Variants in NALCN observed in about 807,000 individuals in gnomAD.
The protein encoded by NALCN is sodium leak channel NALCN.
Under a neutral mutation model 225.3 loss-of-function variants are expected in NALCN, and 111 were observed. The observed-to-expected ratio is 0.49, with a 90% CI of 0.42 to 0.58. The LOEUF (loss-of-function observed/expected upper bound fraction) is 0.58, where lower values mean the gene tolerates loss of function less well. Among genes scored for constraint, NALCN ranks in the 20% least tolerant of loss-of-function variants. The probability of loss-of-function intolerance (pLI) is 0.00; values close to 1 mark genes in which losing one functional copy is unlikely to be tolerated. For missense variants in NALCN, 1,378 were observed against 2,202.4 expected (o/e 0.63, Z 7.49); for synonymous variants, 764 against 769.0 (o/e 0.99, Z 0.11).
rs966751239 is a variant in NALCN at position 101,054,418 on chromosome 13, T to C, written c.*877A>G. The C allele has an allele frequency of 2.0e-5, 3 of 152,218 alleles. No individual in the cohort carries two copies. Among genetic ancestry groups the C allele is most frequent in the African/African-American group, 4.8e-5 (2 of 41,458 alleles). 9.4% of individuals were successfully genotyped at this position (152,218 alleles called of 1,614,324 possible). A position where few individuals can be genotyped will look rare whatever the true frequency, so the allele number is the denominator to read the frequency against. On this transcript the variant is annotated 3_prime_UTR_variant, in exon 44 of 44. Transcript: ENST00000251127. ...TGATTTATGGCAAAACAGACATACC[T>C]TGGGTAAGAAATGAAGCCAATGATA...
intron 10 of NALCN, among the ~76,000 whole-genome samples, chr13:101,267,885 A>T (rs1445866849): frequency 6.6e-6 from 1 of 152,198 alleles, no homozygotes; most frequent in Non-Finnish European, 1.5e-5. Flanking sequence ...AAAAGCTATT[A>T]TACCTACCAA....
chr13:101,108,851 A>G (rs919100396), intron 20 of NALCN, among the ~76,000 whole-genome samples: 1 of 152,194 alleles, frequency 6.6e-6, no homozygotes, highest in African/African-American at 2.4e-5. Context: ...TGAAAAAGTT[A>G]AAATTCTCTA....
chr13:101,252,985 A>T (rs570279665), intron 11 of NALCN, among the ~76,000 whole-genome samples: 1 of 152,258 alleles, frequency 6.6e-6, no homozygotes, highest in African/African-American at 2.4e-5. Context: ...TCATATAATA[A>T]TAAGAAAAAT....
intron 10 of NALCN, among the ~76,000 whole-genome samples, chr13:101,281,838 A>C (rs927471511): frequency 1.3e-5 from 2 of 152,194 alleles, no homozygotes; most frequent in Non-Finnish European, 1.5e-5. Context: ...TCTGATTATA[A>C]ATGAGCAAAT....
chr13:101,065,088 G>C (rs1331078877), intron 40 of NALCN, among the ~76,000 whole-genome samples: 3 of 152,162 alleles, frequency 2.0e-5, no homozygotes, highest in African/African-American at 7.2e-5. Context: ...CGCATCACAG[G>C]GAAGGGGTGG....
At chr13:101,106,933 C>T (rs1233689410) in intron 22 of NALCN, among the ~76,000 whole-genome samples, 2 of 152,154 alleles carry the variant, frequency 1.3e-5, no homozygotes, top group African/African-American at 4.8e-5. Context: ...CTTAGGTGTC[C>T]ACAACTAGTG....
chr13:101,140,650 A>C (rs1184347667), intron 17 of NALCN, among the ~76,000 whole-genome samples: 1 of 152,258 alleles, frequency 6.6e-6, no homozygotes, highest in Non-Finnish European at 1.5e-5. Flanking sequence ...GCTGAAGCCA[A>C]GGCACTATCT....
At chr13:101,345,469 T>C in intron 6 of NALCN, 49 bp from the exon 7 acceptor site, 1 of 1,588,170 alleles carries the variant, frequency 6.3e-7, no homozygotes, top group East Asian at 2.2e-5. Flanking sequence ...ATCATAAATG[T>C]TGATTACAAT....
At chr13:101,110,933 A>G (rs554492325) in intron 19 of NALCN, among the ~76,000 whole-genome samples, 192 bp downstream of exon 19, 15 of 152,322 alleles carry the variant, frequency 9.8e-5, no homozygotes, top group Non-Finnish European at 1.6e-4. Flanking sequence ...AGGATTGTGA[A>G]GTAGAGATTT....
chr13:101,076,059 T>A, intron 34 of NALCN, 118 bp from the exon 35 acceptor site: 1 of 666,356 alleles, frequency 1.5e-6, no homozygotes, highest in South Asian at 3.6e-5. Context: ...TGTAAATTAT[T>A]ATAAGAAAGT....
intron 13 of NALCN, among the ~76,000 whole-genome samples, chr13:101,220,022 C>T (rs4254177): frequency 5.3e-5 from 8 of 152,158 alleles, no homozygotes; most frequent in African/African-American, 1.9e-4. Context: ...AGTGCTGAAG[C>T]AGATTCAGGG....
At chr13:101,401,950 G>A (rs991957740) in intron 1 of NALCN, among the ~76,000 whole-genome samples, 7 of 152,162 alleles carry the variant, frequency 4.6e-5, no homozygotes, top group Non-Finnish European at 7.3e-5. Flanking sequence ...ATTTGAGGTG[G>A]TTGATTGTAA....
intron 11 of NALCN, among the ~76,000 whole-genome samples, chr13:101,244,102 G>A (rs559678855): frequency 6.6e-6 from 1 of 152,196 alleles, no homozygotes; most frequent in East Asian, 1.9e-4. Context: ...TGTATTAGCA[G>A]AGGAAGCAGT....
chr13:101,078,614 C>G (rs1037513327), intron 34 of NALCN, among the ~76,000 whole-genome samples: 1 of 152,184 alleles, frequency 6.6e-6, no homozygotes, highest in African/African-American at 2.4e-5. Flanking sequence ...GCCTGTACCC[C>G]CATTGTATCT....
rs187511487 is a variant in NALCN at position 101,387,473 on chromosome 13, A to T, written c.291+7710T>A. 4.6e-3 allele frequency among the ~76,000 whole-genome samples: 695 copies of T among 152,334 alleles called. 9 individuals are homozygous for T. Among genetic ancestry groups the T allele is most frequent in the African/African-American group, 0.016 (659 of 41,566 alleles). Reference sequence around the variant, plus strand: ...ACTTACTATGAAAAGTGTAACCTGAAGATTAAAATAGAACATGTATATTCA... The same window carrying T: ...ACTTACTATGAAAAGTGTAACCTGATGATTAAAATAGAACATGTATATTCA... On this transcript the variant is annotated intron_variant, in intron 3 of 43. Coordinates refer to ENST00000251127, the MANE Select transcript of NALCN (RefSeq NM_052867.4).
chr13:101,065,540 C>T lies in NALCN; in HGVS notation c.4468G>A (p.Val1490Ile), dbSNP rs770660098. Residue 1490 changes from valine to isoleucine, a missense_variant, in exon 40 of 44, where the codon GTC becomes ATC. By Grantham distance (29) the Val-to-Ile change is conservative. This residue lies in a region of NALCN where 94 missense variants were observed against 170.3 expected (regional missense o/e 0.55). Coordinates refer to ENST00000251127, the MANE Select transcript of NALCN (RefSeq NM_052867.4). The part of the protein sequence containing the change: ...KREGVIPTFR[V>I]KFLLRLLRGR... ...CGCAGTAGCCGCAGCAGGAACTTGA[C>T]GCGGAACGTGGGGATCACCCCCTGC... 6.8e-6 allele frequency: 11 copies of T among 1,613,816 alleles called. No homozygotes were observed. Among genetic ancestry groups the T allele is most frequent in the Admixed American group, 3.3e-5 (2 of 60,004 alleles).
chr13:101,407,275 C>T (rs996678132), intron 1 of NALCN, among the ~76,000 whole-genome samples: 2 of 152,076 alleles, frequency 1.3e-5, no homozygotes, highest in Admixed American at 6.5e-5. Context: ...TTGGAATATC[C>T]CAAAAGGTGG....
At chr13:101,121,954 CTT>C (rs34912854) in intron 18 of NALCN, among the ~76,000 whole-genome samples, 25,791 of 146,796 alleles carry the variant, frequency 0.18, 2,435 homozygotes, top group East Asian at 0.36. Flanking sequence ...AAATGTTTTC[CTT>C]TTTTTTTTTT....
At chr13:101,203,248 T>C (rs1038556734) in intron 13 of NALCN, among the ~76,000 whole-genome samples, 1 of 152,208 alleles carries the variant, frequency 6.6e-6, no homozygotes, top group African/African-American at 2.4e-5. Context: ...AGAGTTTCGC[T>C]CTTGTCGCCC....
Sources: allele counts gnomAD v4.1 joint callset (sites outside exome capture counted in the v4.1 genomes callset), GRCh38; gene constraint gnomAD v4.1.1; regional missense constraint gnomAD v4.1.1; transcripts MANE v1.5; gene names NCBI Gene and HGNC (gene_info 2026-07-23, HGNC 2026-07-21).